Variants in SLC35E4 observed in about 807,000 individuals in gnomAD.
SLC35E4 encodes the protein solute carrier family 35 member E4.
SLC35E4 carries 15 observed loss-of-function variants against 19.3 expected under a neutral mutation model. The ratio of observed to expected loss-of-function variants is 0.78; its 90% confidence interval spans 0.52 to 1.20. SLC35E4 has a LOEUF of 1.20. SLC35E4 is among the 50% of genes most tolerant of loss of function. SLC35E4 has a pLI of 0.00. For synonymous variants in SLC35E4, 219 were observed against 219.9 expected (o/e 1.00, Z 0.04); for missense variants, 406 against 472.3 (o/e 0.86, Z 1.30).
At position 30,646,661 on chromosome 22, in the gene SLC35E4, G is replaced by GC; in HGVS notation, c.684dup (p.Phe229LeufsTer41). 1 of 1,612,698 alleles carries GC rather than the reference G, an allele frequency of 6.2e-7. No individual in the cohort carries two copies. The highest frequency in any genetic ancestry group is 1.1e-5 in the South Asian group (1 of 91,022). On this transcript the variant is annotated frameshift_variant, in exon 2 of 2. Coordinates refer to ENST00000343605, the MANE Select transcript of SLC35E4 (RefSeq NM_001001479.4). LOFTEE classifies it high-confidence loss of function. ...CTGCTTTACGCCACCTCGCTGCCCA[G>GC]CTTCTGCCTGCTGGCGGGTGCAGCC...
At chr22:30,668,793 C>T (rs1177558704) in exon 3 of SLC35E4, 3 of 152,238 alleles carry the variant, frequency 2.0e-5, no homozygotes, top group South Asian at 2.1e-4. Flanking sequence ...ATTCCATAAC[C>T]CCCATCACTG....
downstream of SLC35E4, among the ~76,000 whole-genome samples, chr22:30,665,987 G>A (rs1339836276): frequency 6.6e-6 from 1 of 152,152 alleles, no homozygotes; most frequent in African/African-American, 2.4e-5. Flanking sequence ...AAGACCAAAG[G>A]TTGTATAGGC....
chr22:30,646,606 C>G lies in SLC35E4; in HGVS notation c.628C>G (p.Leu210Val), dbSNP rs1038219304. ...GLKSVQQSALLQEERLDAVTL... is the reference protein window; with the variant it reads ...GLKSVQQSALVQEERLDAVTL... The stretch of plus-strand genomic sequence containing the variant: ...CGGTTGTCCTGTTGCAGGTGCCCTG[C>G]TGCAGGAGGAGAGGCTGGACGCGGT... Residue 210 changes from leucine to valine, a missense_variant, in exon 2 of 2, where the codon CTG (leucine) becomes GTG (valine). By Grantham distance (32) the Leu-to-Val change is conservative (BLOSUM62 1). Coordinates refer to ENST00000343605, the MANE Select transcript of SLC35E4 (RefSeq NM_001001479.4). The G allele has an allele frequency of 2.6e-5, 41 of 1,596,806 alleles. No individual in the cohort carries two copies. The highest frequency in any genetic ancestry group is 2.9e-5 in the Non-Finnish European group (34 of 1,169,916).
downstream of SLC35E4, chr22:30,664,043 A>C: frequency 6.4e-7 from 1 of 1,552,198 alleles, no homozygotes; most frequent in Non-Finnish European, 8.8e-7. Context: ...GCGAAGCACG[A>C]AGGCTGCGTC....
downstream of SLC35E4, among the ~76,000 whole-genome samples, chr22:30,651,417 ATATATATATATT>A (rs2088213605): frequency 1.5e-5 from 1 of 66,522 alleles, no homozygotes; most frequent in Non-Finnish European, 2.5e-5. Context: ...ATATATATAT[ATATATATATATT>A]TTTTTTTTTT....
intron 2 of SLC35E4, among the ~76,000 whole-genome samples, chr22:30,659,498 C>T (rs377044116): frequency 1.3e-5 from 2 of 152,018 alleles, no homozygotes; most frequent in African/African-American, 2.4e-5. Context: ...CTCAGCCTCC[C>T]GGGTAGCTGT....
downstream of SLC35E4, among the ~76,000 whole-genome samples, chr22:30,648,786 A>T (rs527258001): frequency 3.5e-4 from 54 of 152,166 alleles, 1 homozygote; most frequent in Middle Eastern, 3.4e-3. Flanking sequence ...GCTGCAGTGC[A>T]CTATGATCAT....
downstream of SLC35E4, chr22:30,667,057 A>T (rs148177356): frequency 2.4e-4 from 37 of 152,304 alleles, 1 homozygote; most frequent in Middle Eastern, 3.4e-3. Context: ...GAGGAGGAGA[A>T]AAAAATAGCA....
Position 30,636,422 on chromosome 22 carries a change from C to T in SLC35E4, c.-29C>T. On this transcript the variant is annotated 5_prime_UTR_variant, in exon 1 of 2. Transcript: ENST00000343605. ...GCCCAGAGGTCGTCACTGGGGAGCC[C>T]GCCTCCTGCCCTAGCCTCACTGGTG... 1.4e-6 allele frequency: 2 copies of T among 1,450,486 alleles called. No homozygotes were observed. Among genetic ancestry groups the T allele is most frequent in the South Asian group, 1.4e-5 (1 of 71,392 alleles). The allele number at this position is 1,450,486 out of a possible 1,614,324, so 89.9% of individuals were successfully genotyped here. A position where few individuals can be genotyped will look rare whatever the true frequency, so the allele number is the denominator to read the frequency against.
intron 1 of SLC35E4, among the ~76,000 whole-genome samples, chr22:30,642,064 C>T (rs1602074161): frequency 6.6e-6 from 1 of 152,038 alleles, no homozygotes; most frequent in African/African-American, 2.4e-5. Context: ...GCTCTGTCAT[C>T]CAGGCTGGAG....
chr22:30,663,380 G>A, downstream of SLC35E4: 1 of 1,496,418 alleles, frequency 6.7e-7, no homozygotes, highest in Non-Finnish European at 9.1e-7. Context: ...GGATCTTGGT[G>A]TAAGATCAAC....
At chr22:30,666,982 C>G (rs2088695565), downstream of SLC35E4, 1 of 152,136 alleles carries the variant, frequency 6.6e-6, no homozygotes, top group Admixed American at 6.6e-5. Context: ...AGGTCGGAGC[C>G]TAGGGAGTCG....
rs930044690 is a variant in SLC35E4 at position 30,645,050 on chromosome 22, C to G, written c.620-1548C>G. On this transcript the variant is annotated intron_variant, in intron 1 of 1. Coordinates refer to ENST00000343605, the MANE Select transcript of SLC35E4 (RefSeq NM_001001479.4). ...CCAAGATCCCACAATGACCTTTTGT[C>G]CCCTTGTCACTCCAGTGGTCATAAG... 1.6e-4 allele frequency among the ~76,000 whole-genome samples: 24 copies of G among 152,286 alleles called. 4 individuals carry two copies. Among genetic ancestry groups the G allele is most frequent in the Admixed American group, 1.4e-3 (22 of 15,298 alleles).
downstream of SLC35E4, among the ~76,000 whole-genome samples, chr22:30,651,176 G>A (rs1408856458): frequency 4.6e-5 from 7 of 151,550 alleles, no homozygotes; most frequent in Middle Eastern, 3.4e-3. Flanking sequence ...GACCACGAGA[G>A]GTTTTGAGCC....
chr22:30,643,932 G>T (rs1981591), intron 1 of SLC35E4, among the ~76,000 whole-genome samples: 5 of 152,030 alleles, frequency 3.3e-5, no homozygotes, highest in African/African-American at 7.2e-5. Flanking sequence ...GACAGCGAAT[G>T]GCTGCCCTTT....
chr22:30,651,592 T>G (rs1414041288), downstream of SLC35E4, among the ~76,000 whole-genome samples: 2 of 151,378 alleles, frequency 1.3e-5, no homozygotes, highest in East Asian at 3.9e-4. Flanking sequence ...AATAAACATT[T>G]CTTGATAAGT....
intron 2 of SLC35E4, among the ~76,000 whole-genome samples, chr22:30,655,015 G>C (rs918232838): frequency 9.9e-5 from 15 of 152,196 alleles, no homozygotes; most frequent in Non-Finnish European, 1.8e-4. Flanking sequence ...CTTGTGCAGA[G>C]GGAGCAGTAG....
At chr22:30,642,654 T>C (rs1443159836) in intron 1 of SLC35E4, among the ~76,000 whole-genome samples, 1 of 147,460 alleles carries the variant, frequency 6.8e-6, no homozygotes. Context: ...GGTAGGAGAA[T>C]CTCTTGAACC....
intron 1 of SLC35E4, among the ~76,000 whole-genome samples, chr22:30,644,673 G>A (rs2088099379): frequency 2.0e-5 from 3 of 152,144 alleles, no homozygotes; most frequent in Non-Finnish European, 4.4e-5. Flanking sequence ...GAGCTCGGAA[G>A]GCAGTAAACT....
Sources: gnomAD v4.1 joint callset for allele counts (sites outside exome capture counted in the v4.1 genomes callset) on GRCh38, gnomAD v4.1.1 for gene constraint, MANE v1.5 for transcripts, NCBI Gene and HGNC (gene_info 2026-07-23, HGNC 2026-07-21) for gene names.